Variants in ROBO1 observed in about 807,000 individuals in gnomAD.
The protein encoded by ROBO1 is roundabout homolog 1.
In ROBO1, 149 loss-of-function variants were observed where a neutral mutation model predicts 195.9. The observed-to-expected ratio is 0.76, with a 90% CI of 0.67 to 0.87. ROBO1 has a LOEUF of 0.87. Ranked by LOEUF, ROBO1 falls within the 40% of genes least tolerant of loss-of-function variation. ROBO1 has a pLI of 0.00. For synonymous variants in ROBO1, 816 were observed against 733.2 expected (o/e 1.11, Z -1.82); for missense variants, 1,933 against 2,068.3 (o/e 0.93, Z 1.27).
chr3:79,607,035 G>T (rs1944508172), intron 1 of ROBO1, among the ~76,000 whole-genome samples: 1 of 148,676 alleles, frequency 6.7e-6, no homozygotes, highest in Non-Finnish European at 1.5e-5. Context: ...CTATAATTAA[G>T]CATAATACAG....
rs557196798 is a variant in ROBO1, at chr3:78,767,767, A to G, written c.500-20867T>C. Among the ~76,000 whole-genome samples the G allele has an allele frequency of 3.3e-5, 5 of 152,230 alleles. No individual in the cohort carries two copies. The South Asian group carries it at 1.0e-3, about 32-fold the overall frequency. On this transcript the variant is annotated intron_variant, in intron 4 of 30. Coordinates refer to ENST00000464233, the MANE Select transcript of ROBO1 (RefSeq NM_002941.4). ...TTTGTATTTCAGTGGTGTCAGTTAT[A>G]GTATCTCCTGTTTTGTTTCTTAGTG...
chr3:79,217,031 T>A (rs1318842231), intron 2 of ROBO1, among the ~76,000 whole-genome samples: 1 of 152,098 alleles, frequency 6.6e-6, no homozygotes, highest in African/African-American at 2.4e-5. Flanking sequence ...ATGTAGACCA[T>A]TTGTCAGCAG....
chr3:78,956,191 T>C (rs1166932330), intron 3 of ROBO1, among the ~76,000 whole-genome samples: 1 of 152,146 alleles, frequency 6.6e-6, no homozygotes, highest in Admixed American at 6.6e-5. Context: ...GTAATCTTTA[T>C]TTTCTAAAGG....
intron 4 of ROBO1, among the ~76,000 whole-genome samples, chr3:78,914,388 C>T (rs1246437571): frequency 2.0e-5 from 3 of 151,740 alleles, no homozygotes; most frequent in Non-Finnish European, 4.4e-5. Context: ...TTTTTCAAAC[C>T]CTAGTTTATT....
At chr3:78,882,551 T>C (rs2036245437) in intron 4 of ROBO1, among the ~76,000 whole-genome samples, 1 of 152,112 alleles carries the variant, frequency 6.6e-6, no homozygotes, top group African/African-American at 2.4e-5. Flanking sequence ...CTGCTAAGTA[T>C]TTCTTCTCCA....
In ROBO1 at chr3:79,706,323, C is replaced by A. The variant is rs77515791; in HGVS notation, c.-51+61429G>T. On this transcript the variant is annotated intron_variant, in intron 1 of 30. Transcript: ENST00000464233. ...ACCCTTTATCAAGTTGAATAAGTTG[C>A]CCTCTATTTTTATTTAACTGAATTT... 5.3e-3 allele frequency among the ~76,000 whole-genome samples: 804 copies of A among 152,058 alleles called. 7 individuals are homozygous for A. The highest frequency in any genetic ancestry group is 0.019 in the African/African-American group (772 of 41,502).
chr3:79,282,662 T>C (rs2031599474), intron 2 of ROBO1, among the ~76,000 whole-genome samples: 1 of 152,184 alleles, frequency 6.6e-6, no homozygotes, highest in Non-Finnish European at 1.5e-5. Flanking sequence ...AGCTGAGATG[T>C]GGCATAGGAA....
intron 2 of ROBO1, among the ~76,000 whole-genome samples, chr3:79,332,239 C>T (rs1452976266): frequency 6.7e-6 from 1 of 149,220 alleles, no homozygotes; most frequent in African/African-American, 2.5e-5. Flanking sequence ...CTAACAAGTG[C>T]TAACATATTT....
At chr3:78,847,379 C>A (rs1382524351) in intron 4 of ROBO1, among the ~76,000 whole-genome samples, 8 of 152,082 alleles carry the variant, frequency 5.3e-5, no homozygotes, top group Non-Finnish European at 1.2e-4. Flanking sequence ...AACAGCTATA[C>A]TGCAGAACGC....
intron 2 of ROBO1, among the ~76,000 whole-genome samples, chr3:79,197,318 T>A (rs1258814608): frequency 6.6e-6 from 1 of 151,992 alleles, no homozygotes; most frequent in Admixed American, 6.6e-5. Context: ...GATAATTTGC[T>A]TAGAATGAAG....
chr3:79,058,648 T>C (rs1024189996), intron 3 of ROBO1, among the ~76,000 whole-genome samples: 5 of 152,034 alleles, frequency 3.3e-5, no homozygotes, highest in Non-Finnish European at 7.4e-5. Context: ...ATATCAAAAT[T>C]TGGATGAACA....
intron 3 of ROBO1, among the ~76,000 whole-genome samples, chr3:79,075,993 T>A (rs925568006): frequency 1.8e-4 from 27 of 151,488 alleles, no homozygotes; most frequent in Admixed American, 4.0e-4. Context: ...TGAAATCAGA[T>A]GGCCACAAGC....
chr3:78,860,146 GATA>G (rs1157849787), intron 4 of ROBO1, among the ~76,000 whole-genome samples: 52 of 141,356 alleles, frequency 3.7e-4, no homozygotes, highest in African/African-American at 1.2e-3. Context: ...TAGGTAGATA[GATA>G]GATAGATAGA....
intron 2 of ROBO1, among the ~76,000 whole-genome samples, chr3:79,574,042 C>T (rs1420842717): frequency 6.6e-6 from 1 of 151,982 alleles, no homozygotes; most frequent in Non-Finnish European, 1.5e-5. Flanking sequence ...CATGGATTTC[C>T]TGTACTCAAA....
rs925727483 is a variant in ROBO1 at position 79,082,491 on chromosome 3, A to G, written c.172+42965T>C. 1.7e-4 allele frequency among the ~76,000 whole-genome samples: 26 copies of G among 152,204 alleles called. 1 individual carries two copies. Among genetic ancestry groups the G allele is most frequent in the African/African-American group, 6.0e-4 (25 of 41,454 alleles). The stretch of plus-strand genomic sequence containing the variant: ...GTTCAATATATGATAATCACCACAT[A>G]GATGAAAATGAATTTTCTTAAAATA... On this transcript the variant is annotated intron_variant, in intron 3 of 30. Coordinates refer to ENST00000464233, the MANE Select transcript of ROBO1 (RefSeq NM_002941.4).
chr3:79,576,435 T>C (rs570558345), intron 2 of ROBO1, among the ~76,000 whole-genome samples: 50 of 152,188 alleles, frequency 3.3e-4, no homozygotes, highest in African/African-American at 1.2e-3. Flanking sequence ...CTACTCTTTA[T>C]TCATTGCCTT....
chr3:78,675,651 A>G (rs1034347151), intron 10 of ROBO1, among the ~76,000 whole-genome samples: 1 of 152,196 alleles, frequency 6.6e-6, no homozygotes, highest in African/African-American at 2.4e-5. Context: ...TTGTTTGATT[A>G]GGTAAACAAA....
intron 2 of ROBO1, among the ~76,000 whole-genome samples, chr3:79,406,007 GTAGT>G (rs1385444123): frequency 6.6e-6 from 1 of 152,064 alleles, no homozygotes; most frequent in African/African-American, 2.4e-5. Context: ...AATAGCAATG[GTAGT>G]TATTTTTTCA....
At chr3:79,221,217 A>G (rs2082132049) in intron 2 of ROBO1, among the ~76,000 whole-genome samples, 1 of 152,140 alleles carries the variant, frequency 6.6e-6, no homozygotes, top group Non-Finnish European at 1.5e-5. Context: ...TAATCAGTAA[A>G]AGACAAAAAA....
Sources: gnomAD v4.1 joint callset for allele counts (sites outside exome capture counted in the v4.1 genomes callset) on GRCh38, gnomAD v4.1.1 for gene constraint, MANE v1.5 for transcripts, NCBI Gene and HGNC (gene_info 2026-07-23, HGNC 2026-07-21) for gene names.